Variants in SCN4B observed in about 807,000 individuals in gnomAD.
SCN4B encodes the protein sodium channel regulatory subunit beta-4.
Under a neutral mutation model 19.6 loss-of-function variants are expected in SCN4B, and 20 were observed. The observed-to-expected ratio is 1.02, with a 90% CI of 0.72 to 1.48. SCN4B has a LOEUF of 1.48. Among genes scored for constraint, SCN4B ranks in the 40% most tolerant of loss-of-function variants. The probability of loss-of-function intolerance (pLI) is 0.00; values close to 1 mark genes in which losing one functional copy is unlikely to be tolerated. For missense variants in SCN4B, 271 were observed against 287.5 expected, an observed-to-expected ratio of 0.94 and a Z score of 0.42; for synonymous variants, 127 against 122.8, an observed-to-expected ratio of 1.03 and a Z score of -0.22.
chr11:118,144,913 G>A, intron 2 of SCN4B, 144 bp downstream of exon 2: 1 of 833,198 alleles, frequency 1.2e-6, no homozygotes, highest in Non-Finnish European at 2.1e-6. Flanking sequence ...GGCAGGCTCT[G>A]AAAAGAATAC....
rs371609756 is a variant in SCN4B at position 118,137,065 on chromosome 11, C to A, written c.649G>T (p.Gly217Cys). The A allele has an allele frequency of 1.1e-5, 18 of 1,613,942 alleles. No individual in the cohort carries two copies. The highest frequency in any genetic ancestry group is 1.7e-5 in the Admixed American group (1 of 60,004). Residue 217 changes from glycine (G) to cysteine (C), a missense_variant, in exon 5 of 5, where the codon GGC becomes TGC. Physicochemically the swap from Gly to Cys is radical, Grantham distance 159 (BLOSUM62 -3). Coordinates refer to ENST00000324727, the MANE Select transcript of SCN4B (RefSeq NM_174934.4). ...GNDNTENGLP[G>C]SKAEEKPPSK... ...GGTGGTTTCTCCTCTGCCTTGGAGC[C>A]AGGCAAGCCGTTCTCCGTGTTGTCA...
intron 1 of SCN4B, among the ~76,000 whole-genome samples, chr11:118,147,715 G>A (rs1948195427): frequency 6.6e-6 from 1 of 152,192 alleles, no homozygotes; most frequent in Non-Finnish European, 1.5e-5. Flanking sequence ...CCCACAAACA[G>A]GAAGTGAATG....
rs1376055826 is a variant in SCN4B, at chr11:118,134,232, T to C, written c.*2795A>G. The C allele has an allele frequency of 2.2e-6, 1 of 454,154 alleles. No individual in the cohort carries two copies. Among genetic ancestry groups the C allele is most frequent in the South Asian group, 1.6e-5 (1 of 64,478 alleles). The allele number at this position is 454,154 out of a possible 1,614,324, so 28.1% of individuals were successfully genotyped here. A position where few individuals can be genotyped will look rare whatever the true frequency, so the allele number is the denominator to read the frequency against. On this transcript the variant is annotated 3_prime_UTR_variant, in exon 5 of 5. Coordinates refer to ENST00000324727, the MANE Select transcript of SCN4B (RefSeq NM_174934.4). ...AACCTGGAATGCTGATTTCATATTT[T>C]GTAGTTGATGAGGAGCTCAGAACTT...
Position 118,136,114 on chromosome 11 carries a change from T to C in SCN4B, c.*913A>G, listed in dbSNP as rs1283285529. 1 of 379,932 alleles carries C rather than the reference T, an allele frequency of 2.6e-6. No homozygotes were observed. The highest frequency in any genetic ancestry group is 5.2e-6 in the Non-Finnish European group (1 of 193,256). 23.5% of individuals were successfully genotyped at this position (379,932 alleles called of 1,614,324 possible). ...AGGAGGGGGAGAAGCAGGGGAGAGC[T>C]GGGCTCAGGAGTGCCCAGAGTGGCG... On this transcript the variant is annotated 3_prime_UTR_variant, in exon 5 of 5. Transcript: ENST00000324727.
At position 118,135,851 on chromosome 11, in the gene SCN4B, G is replaced by A. The variant is rs1341270875; in HGVS notation, c.*1176C>T. ...TCTGGGAGAAGCAAAGGAAAACTGTGGGCACCCACTCCCTGCTCCTCCCCA... is the reference window on the plus strand; with the variant it reads ...TCTGGGAGAAGCAAAGGAAAACTGTAGGCACCCACTCCCTGCTCCTCCCCA... On this transcript the variant is annotated 3_prime_UTR_variant, in exon 5 of 5. Coordinates refer to ENST00000324727, the MANE Select transcript of SCN4B (RefSeq NM_174934.4). The A allele has an allele frequency of 2.2e-6, 1 of 454,428 alleles. No homozygotes were observed. Among genetic ancestry groups the A allele is most frequent in the South Asian group, 1.6e-5 (1 of 64,472 alleles). The allele number at this position is 454,428 out of a possible 1,614,324, so 28.1% of individuals were successfully genotyped here.
At chr11:118,152,486 C>A (rs1948243862) in intron 1 of SCN4B, 127 bp downstream of exon 1, 1 of 771,390 alleles carries the variant, frequency 1.3e-6, no homozygotes, top group Non-Finnish European at 2.2e-6. Flanking sequence ...AGGAAGCCGG[C>A]GGCCACCATC....
In SCN4B at chr11:118,135,860, C is replaced by T. The variant is rs910822107; in HGVS notation, c.*1167G>A. The T allele has an allele frequency of 2.0e-5, 9 of 454,440 alleles. No homozygotes were observed. The Admixed American group carries it at 2.1e-4, about 11-fold the overall frequency. 28.2% of individuals were successfully genotyped at this position (454,440 alleles called of 1,614,324 possible). A position where few individuals can be genotyped will look rare whatever the true frequency, so the allele number is the denominator to read the frequency against. On this transcript the variant is annotated 3_prime_UTR_variant, in exon 5 of 5. Transcript: ENST00000324727. ...AGCAAAGGAAAACTGTGGGCACCCA[C>T]TCCCTGCTCCTCCCCAACCCCAGGG...
At position 118,145,322 on chromosome 11, in the gene SCN4B, C is replaced by CAGGT. The variant is rs1040898478; in HGVS notation, c.62-97_62-94dup. 11 of 1,583,670 alleles carry CAGGT rather than the reference C, an allele frequency of 6.9e-6. No homozygotes were observed. In the African/African-American group the frequency reaches 1.5e-4, roughly 21 times the overall value. On this transcript the variant is annotated intron_variant, in intron 1 of 4. Coordinates refer to ENST00000324727, the MANE Select transcript of SCN4B (RefSeq NM_174934.4). ...GGCAGGGCGGAGTAGCTTGGCCAGG[C>CAGGT]AGGTAGGTCTCTATCACCCTCAGTG...
At chr11:118,141,639 T>G (rs764966630) in intron 3 of SCN4B, 19 of 448,828 alleles carry the variant, frequency 4.2e-5, no homozygotes, top group Non-Finnish European at 7.3e-5. Flanking sequence ...CACTCAAGTT[T>G]GAGTGGTGAC....
intron 3 of SCN4B, among the ~76,000 whole-genome samples, chr11:118,142,135 C>T (rs1948106816): frequency 6.6e-6 from 1 of 152,192 alleles, no homozygotes; most frequent in Admixed American, 6.5e-5. Flanking sequence ...TAACTGATCT[C>T]CTCCCTCTAT....
chr11:118,136,877 G>T lies in SCN4B; in HGVS notation c.*150C>A. On this transcript the variant is annotated 3_prime_UTR_variant, in exon 5 of 5. Coordinates refer to ENST00000324727, the MANE Select transcript of SCN4B (RefSeq NM_174934.4). ...GACTGGGAAGGGGATGGGCAGGCTG[G>T]GCAGGACTCTGGTTTCTTGTGCCCG... The T allele has an allele frequency of 1.4e-6, 1 of 703,700 alleles. No homozygotes were observed. 43.6% of individuals were successfully genotyped at this position (703,700 alleles called of 1,614,324 possible).
chr11:118,138,728 T>C (rs530222876), intron 4 of SCN4B, among the ~76,000 whole-genome samples: 1 of 152,106 alleles, frequency 6.6e-6, no homozygotes, highest in East Asian at 1.9e-4. Flanking sequence ...GGACCCAACC[T>C]AGGAAGCCTC....
chr11:118,141,936 C>CT (rs1332482903), intron 3 of SCN4B: 1 of 155,746 alleles, frequency 6.4e-6, no homozygotes, highest in Admixed American at 6.2e-5. Context: ...CTGAGAACAA[C>CT]TTTATCCTCC....
chr11:118,152,473 G>T, intron 1 of SCN4B, 140 bp downstream of exon 1: 1 of 709,142 alleles, frequency 1.4e-6, no homozygotes, highest in South Asian at 1.7e-5. Flanking sequence ...GCAGGAACCA[G>T]GCAGGAAGCC....
At position 118,133,557 on chromosome 11, in the gene SCN4B, T is replaced by C; in HGVS notation, c.*3470A>G. ...CACACCTGAGGCCTCCCAAGGCCTG[T>C]TGTTGCATCATTTGATCTATAGTTA... On this transcript the variant is annotated 3_prime_UTR_variant, in exon 5 of 5. Coordinates refer to ENST00000324727, the MANE Select transcript of SCN4B (RefSeq NM_174934.4). 1 of 454,460 alleles carries C rather than the reference T, an allele frequency of 2.2e-6. No homozygotes were observed. The allele number at this position is 454,460 out of a possible 1,614,324, so 28.2% of individuals were successfully genotyped here.
intron 4 of SCN4B, among the ~76,000 whole-genome samples, chr11:118,139,888 C>CTTTTTTTTTTTT (rs5795120): frequency 5.0e-5 from 7 of 139,734 alleles, no homozygotes; most frequent in East Asian, 4.3e-4. Flanking sequence ...TCTAGCATTC[C>CTTTTTTTTTTTT]TTTTTTTTTT....
intron 1 of SCN4B, among the ~76,000 whole-genome samples, chr11:118,149,556 T>C (rs1190866790): frequency 6.6e-6 from 1 of 152,140 alleles, no homozygotes; most frequent in Non-Finnish European, 1.5e-5. Flanking sequence ...CAGCTTTCTC[T>C]CCCTAGGCAA....
intron 1 of SCN4B, among the ~76,000 whole-genome samples, chr11:118,146,000 A>T (rs113365865): frequency 0.03 from 4,578 of 150,742 alleles, 218 homozygotes; most frequent in African/African-American, 0.1. Context: ...GGGCGCAGCC[A>T]GGGTGGGAAA....
chr11:118,139,888 C>CTTTTTTTTTTTTTTTTTTT (rs5795120), intron 4 of SCN4B, among the ~76,000 whole-genome samples: 1 of 139,742 alleles, frequency 7.2e-6, no homozygotes, highest in Non-Finnish European at 1.5e-5. Flanking sequence ...TCTAGCATTC[C>CTTTTTTTTTTTTTTTTTTT]TTTTTTTTTT....
Sources: gnomAD v4.1 joint callset for allele counts (sites outside exome capture counted in the v4.1 genomes callset) on GRCh38, gnomAD v4.1.1 for gene constraint, MANE v1.5 for transcripts, NCBI Gene and HGNC (gene_info 2026-07-23, HGNC 2026-07-21) for gene names.